CDKAL1: variants seen among roughly 807,000 people sequenced by gnomAD.
CDKAL1 encodes the protein threonylcarbamoyladenosine tRNA methylthiotransferase.
A neutral mutation model predicts 68.2 loss-of-function variants in CDKAL1; 32 were observed. The ratio of observed to expected loss-of-function variants is 0.47; its 90% CI spans 0.35 to 0.63. The LOEUF (loss-of-function observed/expected upper bound fraction) is 0.63. Ranked by LOEUF, CDKAL1 falls within the 30% of genes least tolerant of loss-of-function variation. The pLI is 0.00. For missense variants in CDKAL1, 606 were observed against 696.7 expected (o/e 0.87, Z 1.47); for synonymous variants, 234 against 244.3 (o/e 0.96, Z 0.39).
intron 15 of CDKAL1, among the ~76,000 whole-genome samples, chr6:21,208,017 CT>C (rs56674577): frequency 0.15 from 22,367 of 146,004 alleles, 1,652 homozygotes; most frequent in East Asian, 0.23. Context: ...CTCTTTATGT[CT>C]TTTTTTTTTT....
intron 4 of CDKAL1, among the ~76,000 whole-genome samples, chr6:20,645,662 C>A (rs1327617738): frequency 1.3e-5 from 2 of 151,460 alleles, no homozygotes; most frequent in Non-Finnish European, 2.9e-5. Flanking sequence ...GCCCGGGAGG[C>A]GGAGGTTGCA....
intron 7 of CDKAL1, among the ~76,000 whole-genome samples, chr6:20,768,673 T>C (rs1053682985): frequency 3.9e-5 from 6 of 152,148 alleles, no homozygotes; most frequent in African/African-American, 1.4e-4. Flanking sequence ...TGCTTCCCAG[T>C]GTTGCTCAGA....
chr6:20,697,783 A>C (rs1771168277), intron 5 of CDKAL1, among the ~76,000 whole-genome samples: 1 of 152,206 alleles, frequency 6.6e-6, no homozygotes, highest in South Asian at 2.1e-4. Context: ...CAGACGAGTG[A>C]GCTACTTTTC....
intron 5 of CDKAL1, among the ~76,000 whole-genome samples, chr6:20,690,523 C>T (rs1770824555): frequency 6.6e-6 from 1 of 152,174 alleles, no homozygotes; most frequent in Non-Finnish European, 1.5e-5. Context: ...GAGGGAGACA[C>T]ACCCCTGCCA....
chr6:21,066,470 TTACA>T (rs1290926030), intron 12 of CDKAL1, among the ~76,000 whole-genome samples: 1 of 152,258 alleles, frequency 6.6e-6, no homozygotes, highest in Non-Finnish European at 1.5e-5. Context: ...GAGGGATAAC[TTACA>T]TACAGCAAAA....
chr6:20,838,760 G>C (rs1302830457), intron 8 of CDKAL1, among the ~76,000 whole-genome samples: 1 of 152,098 alleles, frequency 6.6e-6, no homozygotes, highest in Non-Finnish European at 1.5e-5. Flanking sequence ...ATCAGCTGAG[G>C]TCAGGAGATC....
At chr6:21,226,489 C>T (rs953037112) in intron 15 of CDKAL1, among the ~76,000 whole-genome samples, 1 of 152,214 alleles carries the variant, frequency 6.6e-6, no homozygotes, top group Non-Finnish European at 1.5e-5. Flanking sequence ...AAAGTTAACA[C>T]AGAATGCACG....
intron 5 of CDKAL1, among the ~76,000 whole-genome samples, chr6:20,654,162 C>T (rs1028386459): frequency 2.6e-4 from 39 of 152,312 alleles, no homozygotes; most frequent in African/African-American, 6.3e-4. Context: ...GGATTACAGG[C>T]GTGAGCCACT....
intron 12 of CDKAL1, among the ~76,000 whole-genome samples, chr6:21,100,652 A>G (rs1045057005): frequency 2.0e-5 from 3 of 151,756 alleles, no homozygotes; most frequent in Non-Finnish European, 1.5e-5. Flanking sequence ...AAGGAAAAGC[A>G]TTTGAGATTT....
chr6:20,829,684 T>C (rs1476077860), intron 8 of CDKAL1, among the ~76,000 whole-genome samples: 2 of 152,204 alleles, frequency 1.3e-5, no homozygotes, highest in Non-Finnish European at 2.9e-5. Flanking sequence ...CATCAAATGT[T>C]TTATTTTAGG....
At chr6:20,934,541 G>A (rs1763611598) in intron 9 of CDKAL1, among the ~76,000 whole-genome samples, 1 of 151,924 alleles carries the variant, frequency 6.6e-6, no homozygotes, top group South Asian at 2.1e-4. Context: ...TAAAGTCACT[G>A]CATTAACAAA....
chr6:21,180,510 T>G (rs1264765279), intron 13 of CDKAL1, among the ~76,000 whole-genome samples: 6 of 152,186 alleles, frequency 3.9e-5, no homozygotes, highest in African/African-American at 1.4e-4. Context: ...GTCCCAATGG[T>G]AATTATCTGA....
rs1273298385 is a variant in CDKAL1, at chr6:20,545,079, A to T, written c.-5-1267A>T. ...CCTTTGTATAGTTCTTTAACGAGAAAGCAGGCTTTTATTGGGGGGTTTTAT... is the reference window on the plus strand; with the variant it reads ...CCTTTGTATAGTTCTTTAACGAGAATGCAGGCTTTTATTGGGGGGTTTTAT... On this transcript the variant is annotated intron_variant, in intron 2 of 15. Transcript: ENST00000274695. 2.0e-5 allele frequency among the ~76,000 whole-genome samples: 3 copies of T among 151,988 alleles called. No individual in the cohort carries two copies. In the East Asian group the frequency reaches 5.8e-4, roughly 29 times the overall value.
At chr6:20,643,386 T>C (rs1434492776) in intron 4 of CDKAL1, among the ~76,000 whole-genome samples, 1 of 152,272 alleles carries the variant, frequency 6.6e-6, no homozygotes, top group Non-Finnish European at 1.5e-5. Context: ...ATATTTATTT[T>C]ATTATTTATT....
chr6:20,578,250 AT>A (rs754599901), intron 4 of CDKAL1, among the ~76,000 whole-genome samples: 5 of 152,014 alleles, frequency 3.3e-5, no homozygotes, highest in Non-Finnish European at 1.5e-5. Context: ...TTTTTTTCCC[AT>A]TTATGCACCT....
chr6:20,608,001 A>G (rs1766408311), intron 4 of CDKAL1, among the ~76,000 whole-genome samples: 1 of 152,154 alleles, frequency 6.6e-6, no homozygotes, highest in African/African-American at 2.4e-5. Context: ...AGCCCAAGGT[A>G]ACTCTTAATA....
At chr6:20,689,957 ATTT>A (rs1182730106) in intron 5 of CDKAL1, among the ~76,000 whole-genome samples, 1 of 152,172 alleles carries the variant, frequency 6.6e-6, no homozygotes, top group Non-Finnish European at 1.5e-5. Flanking sequence ...TAATCCATGG[ATTT>A]TTAAAATCAT....
rs565466680 is a variant in CDKAL1 at position 20,582,829 on chromosome 6, G to T, written c.286+34124G>T. ...GGCAATATCCCTAGGAGTTAAATCT[G>T]TGTTAAATCTCATCGCAGCTTTTAC... On this transcript the variant is annotated intron_variant, in intron 4 of 15. Transcript: ENST00000274695. Among the ~76,000 whole-genome samples the T allele has an allele frequency of 1.6e-4, 24 of 152,286 alleles. 1 individual carries two copies. The South Asian group carries it at 4.1e-3, about 26-fold the overall frequency.
At chr6:20,979,310 T>C (rs1765993240) in intron 10 of CDKAL1, among the ~76,000 whole-genome samples, 1 of 152,148 alleles carries the variant, frequency 6.6e-6, no homozygotes, top group African/African-American at 2.4e-5. Context: ...CAACTAATAA[T>C]GTACAATGTG....
Sources: allele counts gnomAD v4.1 joint callset (sites outside exome capture counted in the v4.1 genomes callset), GRCh38; gene constraint gnomAD v4.1.1; transcripts MANE v1.5; gene names NCBI Gene and HGNC (gene_info 2026-07-23, HGNC 2026-07-21).